TNNT1: variants seen among roughly 807,000 people sequenced by gnomAD.
TNNT1 encodes troponin T, slow skeletal muscle.
Under a neutral mutation model 50.6 loss-of-function variants are expected in TNNT1, and 53 were observed. The observed-to-expected ratio is 1.05, with a 90% CI of 0.84 to 1.32. TNNT1 has a LOEUF of 1.32. Ranked by LOEUF, TNNT1 falls within the 40% of genes most tolerant of loss-of-function variation. The pLI is 0.00. For synonymous variants in TNNT1, 142 were observed against 138.0 expected, an observed-to-expected ratio of 1.03 and a Z score of -0.20; for missense variants, 348 against 381.7, an observed-to-expected ratio of 0.91 and a Z score of 0.74.
At chr19:55,148,734 C>G (rs1414873478) in intron 1 of TNNT1, among the ~76,000 whole-genome samples, 2 of 152,002 alleles carry the variant, frequency 1.3e-5, no homozygotes, top group Admixed American at 6.6e-5. Flanking sequence ...CATAATGTCT[C>G]AGATTCCGAG....
chr19:55,134,179 A>C lies in TNNT1; in HGVS notation c.637T>G (p.Ser213Ala). The change falls in exon 12 of 14, where the codon TCA becomes GCA. Residue 213 changes from serine to alanine, a missense_variant. Physicochemically the swap from Ser to Ala is moderately conservative, Grantham distance 99. Around this residue, in one of 3 missense-constraint regions of TNNT1, gnomAD observed 253 missense variants for 291.8 expected, o/e 0.87. Coordinates refer to ENST00000588981, the MANE Select transcript of TNNT1 (RefSeq NM_003283.6). ...TCCCTGGCAGGGCAGGAGGGCTGTG[A>C]TGGAGGCAGCCAGGCAGACCGGGCC... is the stretch of plus-strand genomic sequence containing the variant. ...LRARSAWLPPSQPSCPAREKA... is the reference protein window; with the variant it reads ...LRARSAWLPPAQPSCPAREKA... The C allele has an allele frequency of 6.3e-7, 1 of 1,588,114 alleles. No homozygotes were observed. The highest frequency in any genetic ancestry group is 8.6e-7 in the Non-Finnish European group (1 of 1,167,464).
At chr19:55,133,696 GAAAGAA>G (rs1216440206) in intron 13 of TNNT1, 185 bp downstream of exon 13, 7 of 627,016 alleles carry the variant, frequency 1.1e-5, no homozygotes, top group Middle Eastern at 4.3e-4. Flanking sequence ...AAAAAAAAAA[GAAAGAA>G]AAAGAAAAAG....
At position 55,140,980 on chromosome 19, in the gene TNNT1, A is replaced by G. The variant is rs759721931; in HGVS notation, c.310-20T>C. 103 of 1,613,426 alleles carry G rather than the reference A, an allele frequency of 6.4e-5. No homozygotes were observed. The highest frequency in any genetic ancestry group is 8.6e-5 in the Non-Finnish European group (101 of 1,179,732). The stretch of plus-strand genomic sequence containing the variant: ...CCGCTCCTGGGAAACGGAGAAGCAT[A>G]AGGGGGTGCAGGGACGTACCCCCAG... On this transcript the variant is annotated intron_variant, in intron 8 of 13. Transcript: ENST00000588981.
At chr19:55,145,900 G>A (rs1171730818) in intron 5 of TNNT1, among the ~76,000 whole-genome samples, 1 of 151,678 alleles carries the variant, frequency 6.6e-6, no homozygotes, top group Non-Finnish European at 1.5e-5. Context: ...CCTCCATTAG[G>A]ACCCAGCAGT....
intron 6 of TNNT1, among the ~76,000 whole-genome samples, chr19:55,142,737 G>A (rs971978615): frequency 1.1e-4 from 17 of 151,370 alleles, no homozygotes; most frequent in African/African-American, 3.2e-4. Context: ...TAGTAGAGAC[G>A]GGGTTTCACC....
intron 11 of TNNT1, among the ~76,000 whole-genome samples, chr19:55,134,722 G>A: frequency 2.9e-5 from 1 of 34,792 alleles, no homozygotes; most frequent in Non-Finnish European, 5.9e-5. Context: ...GAAGAGGGGA[G>A]GGGAGAGGAG....
In TNNT1 at chr19:55,137,098, C is replaced by A; in HGVS notation, c.611+5G>T. 2.5e-6 allele frequency: 4 copies of A among 1,569,694 alleles called. No homozygotes were observed. Among genetic ancestry groups the A allele is most frequent in the Non-Finnish European group, 2.6e-6 (3 of 1,142,174 alleles). On this transcript the variant is annotated splice_donor_5th_base_variant and intron_variant, in intron 11 of 13. Transcript: ENST00000588981. Reference sequence around the variant, plus strand: ...CCTACACCCCGAGCCCCCCACAGCACCTACCGGAGCTGTTCCTCCCCCATG... The same window carrying A: ...CCTACACCCCGAGCCCCCCACAGCAACTACCGGAGCTGTTCCTCCCCCATG...
rs201579934 is a variant in TNNT1 at position 55,141,167 on chromosome 19, A to T, written c.309+19T>A. On this transcript the variant is annotated intron_variant, in intron 8 of 13. Transcript: ENST00000588981. ...CATGGAGGGAGGAAGACCGGGGGGAACCCGGACTCTCGGCTCACAATGCGC... is the reference window on the plus strand; with the variant it reads ...CATGGAGGGAGGAAGACCGGGGGGATCCCGGACTCTCGGCTCACAATGCGC... 36 of 1,598,262 alleles carry T rather than the reference A, an allele frequency of 2.3e-5. No homozygotes were observed. The highest frequency in any genetic ancestry group is 3.0e-5 in the Non-Finnish European group (35 of 1,165,598).
At chr19:55,141,708 T>C in intron 7 of TNNT1, 149 bp downstream of exon 7, 1 of 858,456 alleles carries the variant, frequency 1.2e-6, no homozygotes, top group Non-Finnish European at 2.0e-6. Flanking sequence ...GGTCTCGAAC[T>C]CCTGACCTCA....
intron 5 of TNNT1, among the ~76,000 whole-genome samples, chr19:55,145,888 C>G (rs888333373): frequency 6.6e-6 from 1 of 151,984 alleles, no homozygotes; most frequent in Non-Finnish European, 1.5e-5. Flanking sequence ...AGCTCCTGCT[C>G]TCCTCCATTA....
At chr19:55,146,839 C>T (rs2085565178) in intron 3 of TNNT1, 132 bp from the exon 4 acceptor site, 3 of 1,189,728 alleles carry the variant, frequency 2.5e-6, no homozygotes, top group Non-Finnish European at 3.5e-6. Flanking sequence ...CACGTTCCCC[C>T]TGGCGGTGCA....
intron 9 of TNNT1, among the ~76,000 whole-genome samples, chr19:55,139,561 C>T (rs2085413627): frequency 6.6e-6 from 1 of 152,172 alleles, no homozygotes; most frequent in East Asian, 1.9e-4. Context: ...ATCTCTCAGT[C>T]TGACCCTCTG....
chr19:55,134,266 C>T (rs2085303259), intron 11 of TNNT1, 62 bp from the exon 12 acceptor site: 4 of 1,482,338 alleles, frequency 2.7e-6, no homozygotes, highest in Non-Finnish European at 3.7e-6. Context: ...CCCAAAGCCA[C>T]ACAGCGAGAC....
intron 6 of TNNT1, chr19:55,142,152 G>C (rs1309371331): frequency 1.7e-5 from 8 of 473,424 alleles, no homozygotes; most frequent in Non-Finnish European, 3.1e-5. Flanking sequence ...ACGGAGTCTT[G>C]CTCTGTCACC....
Position 55,137,951 on chromosome 19 carries a change from G to A in TNNT1, c.501+10C>T. 1 of 1,614,134 alleles carries A rather than the reference G, an allele frequency of 6.2e-7. No homozygotes were observed. The highest frequency in any genetic ancestry group is 1.1e-5 in the South Asian group (1 of 91,090). On this transcript the variant is annotated intron_variant, in intron 10 of 13. Transcript: ENST00000588981. ...GAACTCAGACCTCAGGCTCCTGCAG[G>A]CTGACTCACCTTGACCAGGTAGCCG...
chr19:55,137,513 A>C (rs1189863194), intron 10 of TNNT1, among the ~76,000 whole-genome samples: 1 of 36,596 alleles, frequency 2.7e-5, no homozygotes, highest in Non-Finnish European at 5.0e-5. Flanking sequence ...TCCAGACCCC[A>C]GCCCCTCCTC....
At chr19:55,135,163 G>C (rs1328336517) in intron 11 of TNNT1, among the ~76,000 whole-genome samples, 1 of 151,964 alleles carries the variant, frequency 6.6e-6, no homozygotes, top group African/African-American at 2.4e-5. Context: ...AGGTCACTGG[G>C]TGCGGCTTCC....
At chr19:55,146,327 G>T (rs1176802708) in intron 5 of TNNT1, 107 bp downstream of exon 5, 3 of 742,362 alleles carry the variant, frequency 4.0e-6, no homozygotes, top group Admixed American at 7.7e-5. Context: ...GGCGGGTTAT[G>T]GGGGCGGAGG....
chr19:55,137,105 G>C lies in TNNT1; in HGVS notation c.609C>G (p.Leu203=), dbSNP rs777889118. Reference sequence around the variant, plus strand: ...CCCGAGCCCCCCACAGCACCTACCGGAGCTGTTCCTCCCCCATGTAGTCAA... The same window carrying C: ...CCCGAGCCCCCCACAGCACCTACCGCAGCTGTTCCTCCCCCATGTAGTCAA... The part of the protein sequence containing the change: ...LDIDYMGEEQ[L]RARSAWLPPS... The change falls in exon 11 of 14, where the codon CTC becomes CTG. Residue 203 remains leucine, a splice_region_variant and synonymous_variant. Coordinates refer to ENST00000588981, the MANE Select transcript of TNNT1 (RefSeq NM_003283.6). 13 of 1,591,562 alleles carry C rather than the reference G, an allele frequency of 8.2e-6. No individual in the cohort carries two copies. The Middle Eastern group carries it at 5.0e-4, about 61-fold the overall frequency.
Sources: allele counts gnomAD v4.1 joint callset (sites outside exome capture counted in the v4.1 genomes callset), GRCh38; gene constraint gnomAD v4.1.1; regional missense constraint gnomAD v4.1.1; transcripts MANE v1.5; gene names NCBI Gene and HGNC (gene_info 2026-07-23, HGNC 2026-07-21).